Variants in ZFAT observed in about 807,000 individuals in gnomAD.
ZFAT encodes the protein zinc finger protein ZFAT.
Under a neutral mutation model 117.7 loss-of-function variants are expected in ZFAT, and 64 were observed. The ratio of observed to expected loss-of-function variants is 0.54; its 90% CI spans 0.44 to 0.67. The LOEUF (loss-of-function observed/expected upper bound fraction) is 0.67, where lower values mean the gene tolerates loss of function less well. Ranked by LOEUF, ZFAT falls within the 30% of genes least tolerant of loss-of-function variation. The probability of loss-of-function intolerance (pLI) is 0.00; values close to 1 mark genes in which losing one functional copy is unlikely to be tolerated. For synonymous variants in ZFAT, 679 were observed against 615.0 expected (o/e 1.10, Z -1.54); for missense variants, 1,433 against 1,584.5 (o/e 0.90, Z 1.62).
At chr8:134,808,117 C>T in the ZFAT span, among the ~76,000 whole-genome samples, 27 of 152,218 alleles carry the variant, frequency 1.8e-4, no homozygotes, top group Non-Finnish European at 2.4e-4. Context: ...GAAACGATTT[C>T]GCTAAGCTCA....
At position 134,687,531 on chromosome 8, in the gene ZFAT, G is replaced by A. The variant is rs374683130; in HGVS notation, c.19+25314C>T. Among the ~76,000 whole-genome samples the A allele has an allele frequency of 3.9e-5, 6 of 152,210 alleles. No homozygotes were observed. In the East Asian group the frequency reaches 7.7e-4, roughly 20 times the overall value. On this transcript the variant is annotated intron_variant, in intron 1 of 15. Transcript: ENST00000377838. ...TCATAGCTTTAAAATGTGGCCCTCA[G>A]GAAAGCACCACAAATCATTTTACAT...
the ZFAT span, among the ~76,000 whole-genome samples, chr8:134,719,700 C>T: frequency 6.6e-6 from 1 of 152,252 alleles, no homozygotes; most frequent in East Asian, 1.9e-4. Context: ...AAAAAGCCCC[C>T]AAGGGAGTTT....
At chr8:134,640,455 C>T (rs1028538686) in intron 2 of ZFAT, among the ~76,000 whole-genome samples, 4 of 152,306 alleles carry the variant, frequency 2.6e-5, no homozygotes, top group Admixed American at 2.0e-4. Context: ...AGTGTTTGCA[C>T]TTGCTGGAGC....
chr8:134,527,901 G>T (rs1463575540), intron 12 of ZFAT, among the ~76,000 whole-genome samples: 1 of 152,140 alleles, frequency 6.6e-6, no homozygotes, highest in African/African-American at 2.4e-5. Flanking sequence ...AGACACTCTG[G>T]ATTACCATAG....
At chr8:134,780,453 T>C in the ZFAT span, among the ~76,000 whole-genome samples, 1 of 152,234 alleles carries the variant, frequency 6.6e-6, no homozygotes, top group African/African-American at 2.4e-5. Flanking sequence ...AAGCCTCCCC[T>C]ACCTGCTCCT....
chr8:134,679,154 C>T (rs1331062707), intron 1 of ZFAT, among the ~76,000 whole-genome samples: 1 of 152,150 alleles, frequency 6.6e-6, no homozygotes, highest in Non-Finnish European at 1.5e-5. Context: ...AACAGGCAAC[C>T]TACCGAATAG....
chr8:134,779,288 T>C, the ZFAT span, among the ~76,000 whole-genome samples: 2 of 151,704 alleles, frequency 1.3e-5, no homozygotes, highest in Admixed American at 1.3e-4. Flanking sequence ...CTGCATACTG[T>C]TTTAACAATA....
chr8:134,615,590 C>G (rs923643044), intron 3 of ZFAT, among the ~76,000 whole-genome samples: 1 of 152,182 alleles, frequency 6.6e-6, no homozygotes, highest in African/African-American at 2.4e-5. Context: ...TCTCACTCCC[C>G]ACTCCTGCTT....
chr8:134,552,169 G>A (rs762970869), intron 11 of ZFAT, among the ~76,000 whole-genome samples: 12 of 151,766 alleles, frequency 7.9e-5, no homozygotes, highest in African/African-American at 7.3e-5. Context: ...TTGTAACCCT[G>A]GCAGACCAGA....
At chr8:134,816,671 A>G in the ZFAT span, among the ~76,000 whole-genome samples, 16 of 152,168 alleles carry the variant, frequency 1.1e-4, no homozygotes, top group African/African-American at 3.1e-4. Context: ...ACTAGCATCA[A>G]TCAGAAACTG....
chr8:134,563,802 C>T (rs997045036), intron 11 of ZFAT, among the ~76,000 whole-genome samples: 21 of 152,224 alleles, frequency 1.4e-4, no homozygotes, highest in African/African-American at 4.6e-4. Flanking sequence ...GGTGTAGGGT[C>T]GCCCAGCTCC....
chr8:134,505,157 T>C (rs183194704), intron 15 of ZFAT, among the ~76,000 whole-genome samples: 133 of 152,352 alleles, frequency 8.7e-4, no homozygotes, highest in African/African-American at 3.1e-3. Flanking sequence ...ACTTATTACA[T>C]GTATATGGAT....
chr8:134,560,370 G>A (rs550693418), intron 11 of ZFAT, among the ~76,000 whole-genome samples: 1 of 152,028 alleles, frequency 6.6e-6, no homozygotes, highest in African/African-American at 2.4e-5. Context: ...AGTATAGAAT[G>A]ATATATATAT....
At chr8:134,643,296 A>T (rs1177351407) in intron 2 of ZFAT, among the ~76,000 whole-genome samples, 3 of 152,268 alleles carry the variant, frequency 2.0e-5, no homozygotes, top group Admixed American at 6.5e-5. Context: ...CCCATGTCAT[A>T]GCAAGTCCTT....
intron 15 of ZFAT, among the ~76,000 whole-genome samples, chr8:134,489,732 G>A (rs1478973207): frequency 6.6e-6 from 1 of 152,164 alleles, no homozygotes; most frequent in African/African-American, 2.4e-5. Context: ...ACTCCCAAAT[G>A]TATGTCTAGA....
chr8:134,593,164 G>T (rs1056660740), intron 7 of ZFAT, among the ~76,000 whole-genome samples: 2 of 152,156 alleles, frequency 1.3e-5, no homozygotes, highest in African/African-American at 4.8e-5. Flanking sequence ...CATCAGAGTT[G>T]ATGGAGGCAT....
Position 134,653,269 on chromosome 8 carries a change from T to TAAAAA in ZFAT, c.196+4291_196+4292insTTTTT, listed in dbSNP as rs1441852865. Reference sequence around the variant, plus strand: ...CTTGGAACCAACCCAAATGTCTTTTTTAAAAAAAAAAAAAAAAAAAAACAA... The same window carrying TAAAAA: ...CTTGGAACCAACCCAAATGTCTTTTTAAAAATAAAAAAAAAAAAAAAAAAAAACAA... On this transcript the variant is annotated intron_variant, in intron 2 of 15. Coordinates refer to ENST00000377838, the MANE Select transcript of ZFAT (RefSeq NM_020863.4). Among the ~76,000 whole-genome samples, 49 of 99,144 alleles carry TAAAAA rather than the reference T, an allele frequency of 4.9e-4. 1 individual carries two copies. Among genetic ancestry groups the TAAAAA allele is most frequent in the Middle Eastern group, 6.0e-3 (1 of 166 alleles). The allele number at this position is 99,144 out of a possible 152,430, so 65.0% of individuals were successfully genotyped here.
At chr8:134,810,696 A>G in the ZFAT span, among the ~76,000 whole-genome samples, 2 of 152,202 alleles carry the variant, frequency 1.3e-5, no homozygotes, top group Non-Finnish European at 2.9e-5. Flanking sequence ...CCTACAACAT[A>G]AAAGAATAAA....
chr8:134,820,984 G>A, the ZFAT span, among the ~76,000 whole-genome samples: 1 of 152,186 alleles, frequency 6.6e-6, no homozygotes, highest in Admixed American at 6.5e-5. Context: ...ATAATGATGA[G>A]ATGAGCATGA....
Sources: gnomAD v4.1 joint callset for allele counts (sites outside exome capture counted in the v4.1 genomes callset) on GRCh38, gnomAD v4.1.1 for gene constraint, MANE v1.5 for transcripts, NCBI Gene and HGNC (gene_info 2026-07-23, HGNC 2026-07-21) for gene names.